Variants in PROX1 observed in about 807,000 individuals in gnomAD.
The protein encoded by PROX1 is prospero homeobox protein 1.
A neutral mutation model predicts 58.8 loss-of-function variants in PROX1; 7 were observed. The ratio of observed to expected loss-of-function variants is 0.12; its 90% CI spans 0.07 to 0.22. The LOEUF (loss-of-function observed/expected upper bound fraction) is 0.22, where lower values mean the gene tolerates loss of function less well. PROX1 is among the 10% of genes least tolerant of loss of function. The pLI is 1.00. For synonymous variants in PROX1, 350 were observed against 358.3 expected (o/e 0.98, Z 0.26); for missense variants, 675 against 927.8 (o/e 0.73, Z 3.54).
At chr1:214,004,070 T>G (rs6657185) in intron 2 of PROX1, among the ~76,000 whole-genome samples, 41,833 of 152,030 alleles carry the variant, frequency 0.28, 5,927 homozygotes, top group Admixed American at 0.39. Flanking sequence ...TAGAGAAGCT[T>G]CTAGGAAGGG....
In PROX1 at chr1:213,998,055, A is replaced by C. The variant is rs778294943; in HGVS notation, c.1520A>C (p.Lys507Thr). The change falls in exon 2 of 5, where the codon AAA (lysine) becomes ACA (threonine). Residue 507 changes from lysine to threonine, a missense_variant. Physicochemically the swap from Lys to Thr is moderately conservative, Grantham distance 78 (BLOSUM62 -1). Coordinates refer to ENST00000366958, the MANE Select transcript of PROX1 (RefSeq NM_001270616.2). ...GCTCCCTCCGGCTCCTTCTCTGGAAAAGACAGAGCCTCTCCTGAATCCTTA... is the reference window on the plus strand; with the variant it reads ...GCTCCCTCCGGCTCCTTCTCTGGAACAGACAGAGCCTCTCCTGAATCCTTA... ...LGAPSGSFSG[K>T]DRASPESLDL... The C allele has an allele frequency of 6.2e-7, 1 of 1,612,676 alleles. No individual in the cohort carries two copies. Among genetic ancestry groups the C allele is most frequent in the Non-Finnish European group, 8.5e-7 (1 of 1,179,202 alleles).
Position 213,988,407 on chromosome 1 carries a change from A to G in PROX1, c.-144A>G, listed in dbSNP as rs1662887501. The G allele has an allele frequency of 9.2e-6, 1 of 109,026 alleles. No homozygotes were observed. Among genetic ancestry groups the G allele is most frequent in the Non-Finnish European group, 2.2e-5 (1 of 46,356 alleles). The allele number at this position is 109,026 out of a possible 1,614,324, so 6.8% of individuals were successfully genotyped here. The stretch of plus-strand genomic sequence containing the variant: ...GTTTTCCTCTCTCTGCCGGGGGAAA[A>G]AAAAGAGAGAGAGAGAGATAGAGAG... On this transcript the variant is annotated 5_prime_UTR_variant, in exon 1 of 5. Transcript: ENST00000366958.
intron 1 of PROX1, among the ~76,000 whole-genome samples, chr1:213,989,494 G>T (rs779812525): frequency 3.9e-5 from 6 of 152,036 alleles, no homozygotes; most frequent in Admixed American, 2.0e-4. Flanking sequence ...GTCTGGTCTC[G>T]TCTGGGTGGT....
chr1:214,015,905 G>A (rs2102741303), intron 4 of PROX1, among the ~76,000 whole-genome samples: 1 of 152,222 alleles, frequency 6.6e-6, no homozygotes, highest in Non-Finnish European at 1.5e-5. Context: ...CTGTAGGCAG[G>A]GTCTAAGTTT....
chr1:214,040,738 TAA>T lies in PROX1; in HGVS notation c.*4906_*4907del, dbSNP rs1664983440. 1.3e-5 allele frequency: 2 copies of T among 152,332 alleles called. No individual in the cohort carries two copies. Among genetic ancestry groups the T allele is most frequent in the East Asian group, 3.9e-4 (2 of 5,192 alleles). 9.4% of individuals were successfully genotyped at this position (152,332 alleles called of 1,614,324 possible). A position where few individuals can be genotyped will look rare whatever the true frequency, so the allele number is the denominator to read the frequency against. On this transcript the variant is annotated 3_prime_UTR_variant, in exon 5 of 5. Coordinates refer to ENST00000366958, the MANE Select transcript of PROX1 (RefSeq NM_001270616.2). ...GAATATAGTACAATAACTGAACTGA[TAA>T]AGTCAATTTTTGATTTTTGTTTGTT...
intron 1 of PROX1, 159 bp downstream of exon 1, chr1:213,988,642 C>G (rs1558164342): frequency 1.3e-5 from 2 of 152,212 alleles, no homozygotes; most frequent in Admixed American, 6.5e-5. Flanking sequence ...TCAAATGAAT[C>G]ATAATAAAAT....
chr1:213,989,346 C>T (rs749925539), intron 1 of PROX1, among the ~76,000 whole-genome samples: 6 of 151,716 alleles, frequency 4.0e-5, no homozygotes, highest in Non-Finnish European at 7.4e-5. Context: ...GGTCGCGTGG[C>T]GGTGGGATTG....
intron 2 of PROX1, among the ~76,000 whole-genome samples, chr1:213,999,350 T>C (rs1032425843): frequency 1.3e-5 from 2 of 152,204 alleles, no homozygotes; most frequent in African/African-American, 4.8e-5. Context: ...CAGATGGATA[T>C]AAAATTTAGC....
chr1:214,031,117 C>T (rs1345629035), intron 4 of PROX1, among the ~76,000 whole-genome samples: 1 of 151,808 alleles, frequency 6.6e-6, no homozygotes, highest in Admixed American at 6.6e-5. Context: ...CAGCTGTGGA[C>T]TGGGCAGACT....
intron 4 of PROX1, among the ~76,000 whole-genome samples, chr1:214,025,898 A>G (rs113163499): frequency 0.13 from 20,444 of 151,968 alleles, 2,446 homozygotes; most frequent in African/African-American, 0.31. Context: ...TCCTGACCTC[A>G]TGATTCACCC....
At position 214,005,020 on chromosome 1, in the gene PROX1, A is replaced by T. The variant is rs1018771289; in HGVS notation, c.1726-145A>T. On this transcript the variant is annotated intron_variant, in intron 2 of 4. Coordinates refer to ENST00000366958, the MANE Select transcript of PROX1 (RefSeq NM_001270616.2). The stretch of plus-strand genomic sequence containing the variant: ...GCAAATGGCAGCAAGTTAGCAATGG[A>T]TGCCATAGCCAGTGTCATATACCTT... The T allele has an allele frequency of 1.6e-5, 9 of 545,754 alleles. No homozygotes were observed. The Admixed American group carries it at 2.5e-4, about 15-fold the overall frequency. 33.8% of individuals were successfully genotyped at this position (545,754 alleles called of 1,614,324 possible). A position where few individuals can be genotyped will look rare whatever the true frequency, so the allele number is the denominator to read the frequency against.
At chr1:214,028,890 C>G (rs970993577) in intron 4 of PROX1, 21 of 152,264 alleles carry the variant, frequency 1.4e-4, no homozygotes, top group African/African-American at 4.8e-4. Flanking sequence ...CATGATTCCT[C>G]TTTTCAGCCT....
Position 213,997,436 on chromosome 1 carries a change from G to A in PROX1, c.901G>A (p.Glu301Lys), listed in dbSNP as rs200543978. 117 of 1,613,958 alleles carry A rather than the reference G, an allele frequency of 7.2e-5. No individual in the cohort carries two copies. The highest frequency in any genetic ancestry group is 9.8e-5 in the Non-Finnish European group (116 of 1,180,030). Residue 301 changes from glutamate (E) to lysine (K), a missense_variant, in exon 2 of 5, where the codon GAG (glutamate) becomes AAG (lysine). Glu to Lys is a moderately conservative substitution (Grantham distance 56). Coordinates refer to ENST00000366958, the MANE Select transcript of PROX1 (RefSeq NM_001270616.2). This position sits in a 1 kb window ranked among gnomAD's most constrained non-coding sequence, Gnocchi z 7.1. ...CGGAAGGTCAGATAATGAGATGTGC[G>A]AGCTAGACCCAGGACAGTTTATTGA... ...SVGRSDNEMCELDPGQFIDRA... is the reference protein window; with the variant it reads ...SVGRSDNEMCKLDPGQFIDRA...
In PROX1 at chr1:214,038,248, A is replaced by C. The variant is rs550252567; in HGVS notation, c.*2414A>C. ...GAGTAGAAATTGCAGCATGAGGATAAACTCACCTCTTTGTTCTGAAAATAG... is the reference window on the plus strand; with the variant it reads ...GAGTAGAAATTGCAGCATGAGGATACACTCACCTCTTTGTTCTGAAAATAG... On this transcript the variant is annotated 3_prime_UTR_variant, in exon 5 of 5. Coordinates refer to ENST00000366958, the MANE Select transcript of PROX1 (RefSeq NM_001270616.2). 1 of 152,312 alleles carries C rather than the reference A, an allele frequency of 6.6e-6. No individual in the cohort carries two copies. The highest frequency in any genetic ancestry group is 2.4e-5 in the African/African-American group (1 of 41,572). 9.4% of individuals were successfully genotyped at this position (152,312 alleles called of 1,614,324 possible).
intron 2 of PROX1, among the ~76,000 whole-genome samples, chr1:214,002,405 C>T (rs376955448): frequency 5.0e-4 from 61 of 121,258 alleles, no homozygotes; most frequent in African/African-American, 5.9e-4. Context: ...TTTTTTTTTT[C>T]TTTTTTCTTT....
In PROX1 at chr1:213,996,994, T is replaced by C. The variant is rs1232559074; in HGVS notation, c.459T>C (p.Asp153=). 1.9e-6 allele frequency: 3 copies of C among 1,614,018 alleles called. No individual in the cohort carries two copies. The Admixed American group carries it at 5.0e-5, about 27-fold the overall frequency. The part of the protein sequence containing the change: ...PFGRPTMSQF[D]MDRLCDEHLR... The stretch of plus-strand genomic sequence containing the variant: ...GCAGGCCTACTATGAGCCAGTTTGA[T>C]ATGGATCGCTTATGTGATGAGCACC... Residue 153 remains aspartate, a synonymous_variant, in exon 2 of 5, where the codon GAT becomes GAC. Coordinates refer to ENST00000366958, the MANE Select transcript of PROX1 (RefSeq NM_001270616.2).
intron 1 of PROX1, among the ~76,000 whole-genome samples, chr1:213,990,020 G>A (rs1662965448): frequency 6.6e-6 from 1 of 151,662 alleles, no homozygotes; most frequent in Admixed American, 6.6e-5. Context: ...GAAGATCTGT[G>A]CTGTCTCCTT....
intron 2 of PROX1, among the ~76,000 whole-genome samples, chr1:214,004,038 C>G (rs1188105691): frequency 2.6e-5 from 4 of 152,108 alleles, no homozygotes; most frequent in Non-Finnish European, 4.4e-5. Flanking sequence ...TTTTCTTAGA[C>G]ACTCTTCTAA....
rs539420171 is a variant in PROX1, at chr1:214,013,984, C to G, written c.2028+2269C>G. Among the ~76,000 whole-genome samples the G allele has an allele frequency of 2.6e-5, 4 of 152,294 alleles. No homozygotes were observed. In the South Asian group the frequency reaches 8.3e-4, roughly 32 times the overall value. Reference sequence around the variant, plus strand: ...TCACACACTTACACATCCATATGCACACACGCGTACCGACCACCACACATA... The same window carrying G: ...TCACACACTTACACATCCATATGCAGACACGCGTACCGACCACCACACATA... On this transcript the variant is annotated intron_variant, in intron 4 of 4. Transcript: ENST00000366958.
Sources: allele counts gnomAD v4.1 joint callset (sites outside exome capture counted in the v4.1 genomes callset), GRCh38; gene constraint gnomAD v4.1.1; non-coding constraint Gnocchi (gnomAD v3.1); transcripts MANE v1.5; gene names NCBI Gene and HGNC (gene_info 2026-07-23, HGNC 2026-07-21).